Variants in PAH observed in about 807,000 individuals in gnomAD.
PAH encodes the protein phenylalanine-4-hydroxylase.
PAH carries 64 observed loss-of-function variants against 62.0 expected under a neutral mutation model. That is an observed-to-expected ratio of 1.03 (90% CI 0.84 to 1.27). The LOEUF (loss-of-function observed/expected upper bound fraction) is 1.27. PAH is among the 50% of genes most tolerant of loss of function. The pLI is 0.00. For synonymous variants in PAH, 195 were observed against 196.2 expected, an observed-to-expected ratio of 0.99 and a Z score of 0.05; for missense variants, 579 against 542.8, an observed-to-expected ratio of 1.07 and a Z score of -0.66.
chr12:102,928,379 T>C (rs920984954), intron 1 of PAH, among the ~76,000 whole-genome samples: 1 of 152,148 alleles, frequency 6.6e-6, no homozygotes, highest in South Asian at 2.1e-4. Context: ...AGTATTCTCA[T>C]TGTGTGGATG....
At chr12:102,915,260 GGCATTT>G (rs1878340028) in intron 1 of PAH, 1 of 152,046 alleles carries the variant, frequency 6.6e-6, no homozygotes, top group Non-Finnish European at 1.5e-5. Flanking sequence ...CTTTCCACTT[GGCATTT>G]GATGCCCACA....
Position 102,934,522 on chromosome 12 carries a change from G to A in PAH, c.-96+16067C>T, listed in dbSNP as rs1171986118. Among the ~76,000 whole-genome samples, 3 of 151,876 alleles carry A rather than the reference G, an allele frequency of 2.0e-5. No individual in the cohort carries two copies. The East Asian group carries it at 5.8e-4, about 29-fold the overall frequency. ...GTATGTTGCTTTGGGTAGTATGTAC[G>A]TTTTAACAATATTATTTTTTCCAAT... is the stretch of plus-strand genomic sequence containing the variant. On this transcript the variant is annotated intron_variant, in intron 1 of 3. Transcript: ENST00000546844.
At chr12:102,940,457 A>T (rs971574553) in intron 1 of PAH, among the ~76,000 whole-genome samples, 21 of 152,230 alleles carry the variant, frequency 1.4e-4, no homozygotes, top group African/African-American at 4.3e-4. Context: ...GAGATGAAAG[A>T]CAAAATTTCC....
At chr12:102,939,953 G>T (rs996606467) in intron 1 of PAH, among the ~76,000 whole-genome samples, 2 of 152,204 alleles carry the variant, frequency 1.3e-5, no homozygotes, top group Non-Finnish European at 2.9e-5. Flanking sequence ...AGCACTGAGA[G>T]GATGGAGGCA....
At chr12:102,948,493 G>T (rs571882833) in intron 1 of PAH, among the ~76,000 whole-genome samples, 28 of 152,286 alleles carry the variant, frequency 1.8e-4, no homozygotes, top group African/African-American at 6.3e-4. Flanking sequence ...GGGCTGGGTA[G>T]GTTGTTCCTG....
In PAH at chr12:102,896,219, C is replaced by T. The variant is rs189409565; in HGVS notation, c.169-1301G>A. Among the ~76,000 whole-genome samples, 475 of 152,220 alleles carry T rather than the reference C, an allele frequency of 3.1e-3. 6 individuals carry two copies. The South Asian group carries it at 0.046, about 15-fold the overall frequency. ...TCATTGGGATGGCAAGATTTATGTACAGTCCTAAAGGAGTTGAGAGAGGTG... is the reference window on the plus strand; with the variant it reads ...TCATTGGGATGGCAAGATTTATGTATAGTCCTAAAGGAGTTGAGAGAGGTG... On this transcript the variant is annotated intron_variant, in intron 2 of 12. Coordinates refer to ENST00000553106, the MANE Select transcript of PAH (RefSeq NM_000277.3).
intron 8 of PAH, 177 bp from the exon 9 acceptor site, chr12:102,847,128 AG>A: frequency 1.6e-6 from 1 of 642,318 alleles, no homozygotes; most frequent in Non-Finnish European, 2.8e-6. Context: ...ACAGATCTCC[AG>A]GGTAGGGGGA....
chr12:102,872,974 A>G (rs1254579277), intron 4 of PAH, among the ~76,000 whole-genome samples: 1 of 152,188 alleles, frequency 6.6e-6, no homozygotes, highest in Non-Finnish European at 1.5e-5. Flanking sequence ...ATTAAAAAAA[A>G]CCATGTAGTT....
rs1274874551 is a variant in PAH at position 102,895,043 on chromosome 12, T to A, written c.169-125A>T. 10 of 773,262 alleles carry A rather than the reference T, an allele frequency of 1.3e-5. No individual in the cohort carries two copies. In the East Asian group the frequency reaches 2.4e-4, roughly 18 times the overall value. 47.9% of individuals were successfully genotyped at this position (773,262 alleles called of 1,614,324 possible). A position where few individuals can be genotyped will look rare whatever the true frequency, so the allele number is the denominator to read the frequency against. Reference sequence around the variant, plus strand: ...GAGTTCAAGAATACAATTATTTTTATAAGAGTATAAAAAAGTCCTTAAATT... The same window carrying A: ...GAGTTCAAGAATACAATTATTTTTAAAAGAGTATAAAAAAGTCCTTAAATT... On this transcript the variant is annotated intron_variant, in intron 2 of 12. Coordinates refer to ENST00000553106, the MANE Select transcript of PAH (RefSeq NM_000277.3).
chr12:102,847,895 A>G (rs931864792), intron 8 of PAH, among the ~76,000 whole-genome samples: 2 of 152,236 alleles, frequency 1.3e-5, no homozygotes, highest in Non-Finnish European at 2.9e-5. Context: ...TTTCCCAAGA[A>G]AAGGCAGCGT....
At chr12:102,866,182 C>A (rs1051595784) in intron 5 of PAH, among the ~76,000 whole-genome samples, 7 of 151,728 alleles carry the variant, frequency 4.6e-5, no homozygotes, top group African/African-American at 1.7e-4. Flanking sequence ...TTGAATGATT[C>A]ATTATTTCAG....
upstream of PAH, chr12:102,953,191 CCAAAT>C (rs1396190343): frequency 6.6e-6 from 1 of 152,092 alleles, no homozygotes; most frequent in African/African-American, 2.4e-5. Context: ...CAAGTCACCC[CCAAAT>C]TGAGGATTAC....
At chr12:102,958,382 A>T (rs552552603), upstream of PAH, 9,115 of 1,470,852 alleles carry the variant, frequency 6.2e-3, 40 homozygotes, top group Non-Finnish European at 7.3e-3. Context: ...CCGCAGCGGC[A>T]GCGCAGAGCG....
intron 1 of PAH, among the ~76,000 whole-genome samples, chr12:102,942,929 AGAC>A (rs1879346022): frequency 6.6e-6 from 1 of 152,022 alleles, no homozygotes; most frequent in Non-Finnish European, 1.5e-5. Context: ...GATGATTAAA[AGAC>A]CTAAAACTTT....
chr12:102,885,707 T>A (rs1877012765), intron 3 of PAH, among the ~76,000 whole-genome samples: 3 of 152,246 alleles, frequency 2.0e-5, no homozygotes, highest in African/African-American at 7.2e-5. Context: ...AGAGCCTGCT[T>A]CCTGGCCAGT....
upstream of PAH, chr12:102,917,512 G>A (rs1878437570): frequency 3.2e-6 from 1 of 310,614 alleles, no homozygotes; most frequent in African/African-American, 2.1e-5. Flanking sequence ...ACTCTCAGAA[G>A]CCTGGGAAGC....
chr12:102,875,137 G>C (rs1324322169), intron 4 of PAH, among the ~76,000 whole-genome samples: 1 of 152,206 alleles, frequency 6.6e-6, no homozygotes, highest in Admixed American at 6.5e-5. Context: ...AAGGAACAGA[G>C]AGAGCCTGGC....
chr12:102,952,838 G>A (rs1454301488), upstream of PAH, among the ~76,000 whole-genome samples: 1 of 152,220 alleles, frequency 6.6e-6, no homozygotes, highest in Non-Finnish European at 1.5e-5. Flanking sequence ...TAATGCAGGT[G>A]CAAGCCTGGC....
At position 102,917,080 on chromosome 12, in the gene PAH, G is replaced by C. The variant is rs150366430; in HGVS notation, c.51C>G (p.Asp17Glu). Residue 17 changes from aspartate to glutamate, a missense_variant, in exon 1 of 13, where the codon GAC becomes GAG. Asp to Glu is a conservative substitution (Grantham distance 45, BLOSUM62 2). Transcript: ENST00000553106. ...GGCTGCCGTGGCTCACCTGTCCAAA[G>C]TCAGAGAGTTTCCTGCCCAAGCCTG... ...ENPGLGRKLS[D>E]FGQETSYIED... 1.2e-6 allele frequency: 2 copies of C among 1,614,216 alleles called. No homozygotes were observed. The highest frequency in any genetic ancestry group is 1.7e-6 in the Non-Finnish European group (2 of 1,180,030).
Sources: allele counts gnomAD v4.1 joint callset (sites outside exome capture counted in the v4.1 genomes callset), GRCh38; gene constraint gnomAD v4.1.1; transcripts MANE v1.5; gene names NCBI Gene and HGNC (gene_info 2026-07-23, HGNC 2026-07-21).